Variants in VWA3B observed in about 807,000 individuals in gnomAD.
VWA3B encodes the protein von Willebrand factor A domain containing 3B.
VWA3B carries 138 observed loss-of-function variants against 158.3 expected under a neutral mutation model. The observed-to-expected ratio is 0.87, with a 90% CI of 0.76 to 1.00. VWA3B has a LOEUF of 1.00. Among genes scored for constraint, VWA3B ranks in the 50% least tolerant of loss-of-function variants. The probability of loss-of-function intolerance (pLI) is 0.00; values close to 1 mark genes in which losing one functional copy is unlikely to be tolerated. For missense variants in VWA3B, 1,555 were observed against 1,565.1 expected, an observed-to-expected ratio of 0.99 and a Z score of 0.11; for synonymous variants, 596 against 587.3, an observed-to-expected ratio of 1.01 and a Z score of -0.21.
intron 22 of VWA3B, among the ~76,000 whole-genome samples, chr2:98,288,948 A>C (rs944253780): frequency 2.0e-5 from 3 of 152,200 alleles, no homozygotes; most frequent in Admixed American, 2.0e-4. Context: ...ACTCTTTCCA[A>C]AGGTTCACAG....
At chr2:98,133,240 C>A (rs1371534530) in intron 6 of VWA3B, among the ~76,000 whole-genome samples, 2 of 152,190 alleles carry the variant, frequency 1.3e-5, no homozygotes, top group African/African-American at 4.8e-5. Context: ...TCCTAACCTG[C>A]TGCTCCTTGG....
At chr2:98,124,442 G>A (rs552224195) in intron 5 of VWA3B, among the ~76,000 whole-genome samples, 8 of 152,244 alleles carry the variant, frequency 5.3e-5, no homozygotes, top group South Asian at 2.1e-4. Context: ...CCAGAAAGTC[G>A]GTGGTGGTCA....
chr2:98,227,213 C>G (rs4241225), intron 14 of VWA3B, among the ~76,000 whole-genome samples: 87,153 of 151,884 alleles, frequency 0.57, 25,452 homozygotes, highest in South Asian at 0.81. Flanking sequence ...AATATAAATT[C>G]AATGTGCAAA....
In VWA3B at chr2:98,236,572, A is replaced by G. The variant is rs935165043; in HGVS notation, c.2517-2A>G. ...TAAAACACCACCTCCTTGTGTTCTTAGTTCTTCAGATGTGTCTTCAGAAAA... is the reference window on the plus strand; with the variant it reads ...TAAAACACCACCTCCTTGTGTTCTTGGTTCTTCAGATGTGTCTTCAGAAAA... On this transcript the variant is annotated splice_acceptor_variant, in intron 18 of 27. Coordinates refer to ENST00000477737, the MANE Select transcript of VWA3B (RefSeq NM_144992.5). LOFTEE classifies it high-confidence loss of function. 1 of 1,614,032 alleles carries G rather than the reference A, an allele frequency of 6.2e-7. No individual in the cohort carries two copies. The highest frequency in any genetic ancestry group is 8.5e-7 in the Non-Finnish European group (1 of 1,180,006).
At chr2:98,281,314 A>G (rs546959242) in intron 22 of VWA3B, among the ~76,000 whole-genome samples, 1 of 152,330 alleles carries the variant, frequency 6.6e-6, no homozygotes, top group East Asian at 1.9e-4. Context: ...CGGTCTTTTA[A>G]TTAAGTGTCC....
the VWA3B span, among the ~76,000 whole-genome samples, chr2:98,321,433 C>A: frequency 6.6e-6 from 1 of 152,172 alleles, no homozygotes; most frequent in Non-Finnish European, 1.5e-5. Context: ...CCTGGAAAAG[C>A]CACTGACACT....
Position 98,217,971 on chromosome 2 carries a change from A to C in VWA3B, c.1962A>C (p.Gly654=). 14 of 1,613,330 alleles carry C rather than the reference A, an allele frequency of 8.7e-6. No individual in the cohort carries two copies. The highest frequency in any genetic ancestry group is 1.1e-5 in the Non-Finnish European group (13 of 1,179,708). ...FLKEVAALTG[G]EFHFYNFGCK... ...AAGAGGTTGCTGCTTTGACTGGAGG[A>C]GAGTTCCATTTTTATAATTTTGGTT... Residue 654 remains glycine (G), a synonymous_variant, in exon 14 of 28, where the codon GGA becomes GGC. Transcript: ENST00000477737.
intron 16 of VWA3B, 108 bp downstream of exon 16, chr2:98,230,315 G>A: frequency 8.6e-7 from 1 of 1,167,238 alleles, no homozygotes. Flanking sequence ...AAACTTGTGG[G>A]TTTTTTAAAT....
chr2:98,244,344 AC>A (rs1686258393), intron 19 of VWA3B, among the ~76,000 whole-genome samples: 2 of 152,182 alleles, frequency 1.3e-5, no homozygotes, highest in African/African-American at 4.8e-5. Flanking sequence ...AAAACAAAAA[AC>A]ATCAAAAAAC....
intron 2 of VWA3B, among the ~76,000 whole-genome samples, chr2:98,106,127 G>A (rs545293253): frequency 1.3e-5 from 2 of 152,250 alleles, no homozygotes; most frequent in South Asian, 2.1e-4. Flanking sequence ...GTGTTAGCCA[G>A]TATGGTCTCG....
At chr2:98,233,794 A>G (rs1685493284) in intron 16 of VWA3B, among the ~76,000 whole-genome samples, 1 of 152,226 alleles carries the variant, frequency 6.6e-6, no homozygotes, top group African/African-American at 2.4e-5. Flanking sequence ...ACACAGACAC[A>G]TTTCATTCAC....
At chr2:98,175,119 G>A (rs1422186819) in intron 8 of VWA3B, among the ~76,000 whole-genome samples, 1 of 152,002 alleles carries the variant, frequency 6.6e-6, no homozygotes, top group African/African-American at 2.4e-5. Context: ...CAAAAATGAG[G>A]CATGCAAAGA....
At chr2:98,183,885 C>T (rs756830701) in intron 9 of VWA3B, among the ~76,000 whole-genome samples, 2 of 152,176 alleles carry the variant, frequency 1.3e-5, no homozygotes, top group African/African-American at 2.4e-5. Flanking sequence ...GCACAGTGCC[C>T]GGCACATAGG....
chr2:98,136,781 A>G (rs1676318508), intron 7 of VWA3B, among the ~76,000 whole-genome samples: 1 of 152,110 alleles, frequency 6.6e-6, no homozygotes, highest in South Asian at 2.1e-4. Context: ...CATATATTCA[A>G]ATCACTGCAC....
chr2:98,270,562 A>G (rs1163577474), intron 21 of VWA3B, 120 bp from the exon 22 acceptor site: 4 of 1,019,456 alleles, frequency 3.9e-6, no homozygotes, highest in African/African-American at 3.2e-5. Flanking sequence ...ACTAGCTTCA[A>G]CAGATGTTTC....
At chr2:98,182,229 G>A (rs146686746) in intron 9 of VWA3B, among the ~76,000 whole-genome samples, 20 of 152,276 alleles carry the variant, frequency 1.3e-4, no homozygotes, top group African/African-American at 3.9e-4. Context: ...TGAAGGCTCC[G>A]ATTCAAAGTC....
intron 22 of VWA3B, among the ~76,000 whole-genome samples, chr2:98,280,344 A>AAAAG (rs1315499486): frequency 1.3e-5 from 2 of 151,816 alleles, no homozygotes; most frequent in Non-Finnish European, 2.9e-5. Context: ...TGCCACAAAG[A>AAAAG]AAAGAAAGAG....
At chr2:98,275,426 G>A (rs1195271669) in intron 22 of VWA3B, among the ~76,000 whole-genome samples, 1 of 152,144 alleles carries the variant, frequency 6.6e-6, no homozygotes, top group Non-Finnish European at 1.5e-5. Flanking sequence ...GAGAGGAGGA[G>A]GAGAGAGTAG....
intron 7 of VWA3B, among the ~76,000 whole-genome samples, chr2:98,140,180 G>A (rs527336038): frequency 5.9e-5 from 9 of 152,106 alleles, no homozygotes; most frequent in African/African-American, 2.2e-4. Flanking sequence ...GCTGTAACAC[G>A]CACCGCGAAG....
Sources: gnomAD v4.1 joint callset for allele counts (sites outside exome capture counted in the v4.1 genomes callset) on GRCh38, gnomAD v4.1.1 for gene constraint, MANE v1.5 for transcripts, NCBI Gene and HGNC (gene_info 2026-07-23, HGNC 2026-07-21) for gene names.